PIK3R4: variants seen among roughly 807,000 people sequenced by gnomAD.
PIK3R4 encodes the protein phosphoinositide 3-kinase regulatory subunit 4.
PIK3R4 carries 46 observed loss-of-function variants against 136.5 expected under a neutral mutation model. That is an observed-to-expected ratio of 0.34 (90% confidence interval 0.27 to 0.43). The LOEUF (loss-of-function observed/expected upper bound fraction) is 0.43, where lower values mean the gene tolerates loss of function less well. Among genes scored for constraint, PIK3R4 ranks in the 20% least tolerant of loss-of-function variants. PIK3R4 has a pLI of 1.00. For missense variants in PIK3R4, 1,331 were observed against 1,649.5 expected, an observed-to-expected ratio of 0.81 and a Z score of 3.35; for synonymous variants, 557 against 566.7, an observed-to-expected ratio of 0.98 and a Z score of 0.24.
At chr3:130,743,702 C>T (rs2066837106) in intron 2 of PIK3R4, among the ~76,000 whole-genome samples, 1 of 152,168 alleles carries the variant, frequency 6.6e-6, no homozygotes, top group African/African-American at 2.4e-5. Context: ...TCTCTCCACT[C>T]CTTCCAACTC....
intron 13 of PIK3R4, among the ~76,000 whole-genome samples, chr3:130,702,500 G>A (rs1244507207): frequency 6.6e-6 from 1 of 152,130 alleles, no homozygotes; most frequent in Non-Finnish European, 1.5e-5. Flanking sequence ...AGTTATCAAA[G>A]ATATTTTGTT....
intron 2 of PIK3R4, among the ~76,000 whole-genome samples, chr3:130,739,268 G>C (rs971597787): frequency 6.6e-6 from 1 of 152,174 alleles, no homozygotes; most frequent in Non-Finnish European, 1.5e-5. Context: ...AGTAGAGACG[G>C]GGTTTCACCG....
rs2066695589 is a variant in PIK3R4, at chr3:130,720,804, C to G, written c.1982-2270G>C. ...GAAGAGGGCAGGAAGGGTAGTTTCA[C>G]ATAACCCATGTCAACATTCCCCAAA... is the stretch of plus-strand genomic sequence containing the variant. On this transcript the variant is annotated intron_variant, in intron 7 of 19. Coordinates refer to ENST00000356763, the MANE Select transcript of PIK3R4 (RefSeq NM_014602.3). Among the ~76,000 whole-genome samples, 3 of 152,192 alleles carry G rather than the reference C, an allele frequency of 2.0e-5. No individual in the cohort carries two copies. In the South Asian group the frequency reaches 6.2e-4, roughly 31 times the overall value.
rs576483565 is a variant in PIK3R4, at chr3:130,728,839, C to T, written c.1586-155G>A. Among the ~76,000 whole-genome samples, 17 of 152,082 alleles carry T rather than the reference C, an allele frequency of 1.1e-4. 1 individual carries two copies. The South Asian group carries it at 3.5e-3, about 32-fold the overall frequency. Reference sequence around the variant, plus strand: ...GAAGACTTTAATCACCAATTTTTTGCATTATTCAAAGCTCTGAAGGATGGG... The same window carrying T: ...GAAGACTTTAATCACCAATTTTTTGTATTATTCAAAGCTCTGAAGGATGGG... On this transcript the variant is annotated intron_variant, in intron 5 of 19. Transcript: ENST00000356763.
At position 130,681,594 on chromosome 3, in the gene PIK3R4, A is replaced by C; in HGVS notation, c.3608-3T>G. ...CACTTCGTTGTTGCCCTGAACAGCT[A>C]AAGGAAACAAAGGCCAGAATCTTGA... On this transcript the variant is annotated splice_region_variant and splice_polypyrimidine_tract_variant and intron_variant, in intron 16 of 19. Transcript: ENST00000356763. 6.5e-7 allele frequency: 1 copy of C among 1,540,142 alleles called. No homozygotes were observed. Among genetic ancestry groups the C allele is most frequent in the Non-Finnish European group, 9.0e-7 (1 of 1,114,758 alleles).
Position 130,707,095 on chromosome 3 carries a change from T to C in PIK3R4, c.2574A>G (p.Glu858=), listed in dbSNP as rs2066610127. 5.0e-6 allele frequency: 8 copies of C among 1,608,448 alleles called. No individual in the cohort carries two copies. Among genetic ancestry groups the C allele is most frequent in the Non-Finnish European group, 6.8e-6 (8 of 1,177,888 alleles). ...HVKQDSNVNE[E]WKSMFGSLDP... ...CCAGTGACCCAAACATGCTTTTCCA[T>C]TCTTCATTTACATTTGAGTCTTGTT... Residue 858 remains glutamate (E), a synonymous_variant, in exon 11 of 20, where the codon GAA becomes GAG. Transcript: ENST00000356763.
rs556557195 is a variant in PIK3R4, at chr3:130,727,233, T to C, written c.1807+1230A>G. ...AACCAAAACTTAAAGTCTTTTTTTT[T>C]TTTTTGAGACGGAGTCTCGCTCTTT... On this transcript the variant is annotated intron_variant, in intron 6 of 19. Coordinates refer to ENST00000356763, the MANE Select transcript of PIK3R4 (RefSeq NM_014602.3). 7.9e-5 allele frequency among the ~76,000 whole-genome samples: 12 copies of C among 152,204 alleles called. No homozygotes were observed. In the East Asian group the frequency reaches 2.3e-3, roughly 29 times the overall value.
chr3:130,709,470 G>C lies in PIK3R4; in HGVS notation c.2332-978C>G, dbSNP rs533299691. On this transcript the variant is annotated intron_variant, in intron 9 of 19. Coordinates refer to ENST00000356763, the MANE Select transcript of PIK3R4 (RefSeq NM_014602.3). ...CTATGATAAAACCAACCCTAGGAGG[G>C]CACAAAGCTAAAAAACATGAAATAA... 1.1e-4 allele frequency among the ~76,000 whole-genome samples: 16 copies of C among 152,096 alleles called. No individual in the cohort carries two copies. In the South Asian group the frequency reaches 3.3e-3, roughly 32 times the overall value.
intron 18 of PIK3R4, 62 bp from the exon 19 acceptor site, chr3:130,680,783 T>C: frequency 2.9e-6 from 3 of 1,033,532 alleles, no homozygotes; most frequent in Middle Eastern, 2.1e-4. Context: ...CTAATAATCA[T>C]TGGCTTATCT....
At chr3:130,728,250 T>C (rs991778364) in intron 6 of PIK3R4, among the ~76,000 whole-genome samples, 3 of 152,316 alleles carry the variant, frequency 2.0e-5, no homozygotes, top group African/African-American at 7.2e-5. Flanking sequence ...ACGGTATTCC[T>C]TCATACGGAT....
intron 13 of PIK3R4, 69 bp from the exon 14 acceptor site, chr3:130,690,723 C>T (rs755247236): frequency 3.4e-6 from 3 of 889,592 alleles, no homozygotes; most frequent in Non-Finnish European, 5.2e-6. Context: ...TCCACATGGC[C>T]ATTAGCAAGC....
At position 130,680,653 on chromosome 3, in the gene PIK3R4, G is replaced by C; in HGVS notation, c.3866C>G (p.Ser1289Cys). 6.2e-7 allele frequency: 1 copy of C among 1,612,548 alleles called. No individual in the cohort carries two copies. ...VAGSTSSPSV[S>C]YYRKIIEGTE... is the part of the protein sequence containing the mutation. Reference sequence around the variant, plus strand: ...GCCTTCAATTATTTTCCTGTAGTAGGACACAGATGGGGAACTAGTACTTCC... The same window carrying C: ...GCCTTCAATTATTTTCCTGTAGTAGCACACAGATGGGGAACTAGTACTTCC... Residue 1289 changes from serine (S) to cysteine (C), a missense_variant, in exon 19 of 20, where the codon TCC (serine) becomes TGC (cysteine). Coordinates refer to ENST00000356763, the MANE Select transcript of PIK3R4 (RefSeq NM_014602.3).
chr3:130,712,369 A>C (rs901916004), intron 9 of PIK3R4, among the ~76,000 whole-genome samples: 1 of 152,000 alleles, frequency 6.6e-6, no homozygotes, highest in Non-Finnish European at 1.5e-5. Flanking sequence ...TGTAGCCCTG[A>C]CATTAGAAAC....
intron 14 of PIK3R4, among the ~76,000 whole-genome samples, chr3:130,687,320 C>G (rs549115708): frequency 6.6e-5 from 10 of 152,194 alleles, no homozygotes; most frequent in South Asian, 2.1e-4. Flanking sequence ...GTTTTTGGAG[C>G]ATTTTGGATT....
intron 14 of PIK3R4, among the ~76,000 whole-genome samples, chr3:130,689,283 C>T (rs915974773): frequency 1.3e-5 from 2 of 152,186 alleles, no homozygotes; most frequent in African/African-American, 2.4e-5. Flanking sequence ...CAACCGTGCA[C>T]TGAATGTGCA....
intron 13 of PIK3R4, among the ~76,000 whole-genome samples, chr3:130,694,023 C>CT (rs1423082033): frequency 6.6e-6 from 1 of 152,008 alleles, no homozygotes; most frequent in Middle Eastern, 3.2e-3. Flanking sequence ...CTTTTCCCAA[C>CT]TGAAATATCC....
At position 130,681,071 on chromosome 3, in the gene PIK3R4, A is replaced by C; in HGVS notation, c.3709-6T>G. The C allele has an allele frequency of 6.8e-7, 1 of 1,477,448 alleles. No individual in the cohort carries two copies. Among genetic ancestry groups the C allele is most frequent in the Non-Finnish European group, 9.5e-7 (1 of 1,055,342 alleles). The allele number at this position is 1,477,448 out of a possible 1,614,324, so 91.5% of individuals were successfully genotyped here. A position where few individuals can be genotyped will look rare whatever the true frequency, so the allele number is the denominator to read the frequency against. On this transcript the variant is annotated splice_region_variant and splice_polypyrimidine_tract_variant and intron_variant, in intron 17 of 19. Transcript: ENST00000356763. ...TGGACGCTATGAGGAGAAGGCTTAA[A>C]AGAAATAGATGTGGAGTCAAATAAA...
intron 7 of PIK3R4, among the ~76,000 whole-genome samples, chr3:130,720,258 C>T (rs1042067489): frequency 4.6e-5 from 7 of 152,004 alleles, no homozygotes; most frequent in Non-Finnish European, 7.4e-5. Flanking sequence ...TGCAATGGCA[C>T]GATCTCGACT....
intron 6 of PIK3R4, among the ~76,000 whole-genome samples, chr3:130,727,543 G>T: frequency 6.7e-6 from 1 of 148,604 alleles, no homozygotes; most frequent in African/African-American, 2.5e-5. Context: ...TACAGCTTCT[G>T]CTGCCTCACA....
Sources: allele counts gnomAD v4.1 joint callset (sites outside exome capture counted in the v4.1 genomes callset), GRCh38; gene constraint gnomAD v4.1.1; transcripts MANE v1.5; gene names NCBI Gene and HGNC (gene_info 2026-07-23, HGNC 2026-07-21).